Variants in MAGI2 observed in about 807,000 individuals in gnomAD.
The protein encoded by MAGI2 is membrane associated guanylate kinase, WW and PDZ domain containing 2, also known as membrane-associated guanylate kinase, WW and PDZ domain-containing protein 2.
In MAGI2, 35 loss-of-function variants were observed where a neutral mutation model predicts 133.3. The observed-to-expected ratio is 0.26, with a 90% confidence interval of 0.20 to 0.35. The LOEUF (loss-of-function observed/expected upper bound fraction) is 0.35, where lower values mean the gene tolerates loss of function less well. MAGI2 is among the 10% of genes least tolerant of loss of function. MAGI2 has a pLI of 1.00. For missense variants in MAGI2, 1,636 were observed against 1,863.4 expected (o/e 0.88, Z 2.25); for synonymous variants, 729 against 710.6 (o/e 1.03, Z -0.41).
At chr7:79,403,309 G>A (rs1463808412) in intron 1 of MAGI2, among the ~76,000 whole-genome samples, 2 of 152,086 alleles carry the variant, frequency 1.3e-5, no homozygotes, top group East Asian at 3.9e-4. Context: ...GGGAGATTTA[G>A]TGCATGTTTT....
intron 10 of MAGI2, among the ~76,000 whole-genome samples, chr7:78,248,688 A>G (rs1010687302): frequency 1.3e-5 from 2 of 152,128 alleles, no homozygotes; most frequent in Non-Finnish European, 2.9e-5. Context: ...ATTGGAAATA[A>G]AACTAGACTT....
intron 2 of MAGI2, among the ~76,000 whole-genome samples, chr7:78,992,492 C>T (rs973907559): frequency 6.6e-6 from 1 of 151,698 alleles, no homozygotes; most frequent in Non-Finnish European, 1.5e-5. Context: ...CATTAACAAC[C>T]ACATTTTTTA....
chr7:78,548,097 TAGAA>T (rs80159721), intron 3 of MAGI2, among the ~76,000 whole-genome samples: 11,517 of 152,246 alleles, frequency 0.076, 553 homozygotes, highest in Middle Eastern at 0.13. Flanking sequence ...CCTTCAGAGT[TAGAA>T]AGAGCCTTGA....
intron 1 of MAGI2, among the ~76,000 whole-genome samples, chr7:79,133,927 T>TA (rs1821156794): frequency 6.6e-6 from 1 of 152,192 alleles, no homozygotes; most frequent in Non-Finnish European, 1.5e-5. Context: ...CTTTTCAAAA[T>TA]ACGTTGGAAA....
intron 1 of MAGI2, among the ~76,000 whole-genome samples, chr7:79,304,849 T>C (rs962522755): frequency 1.3e-5 from 2 of 152,176 alleles, no homozygotes; most frequent in African/African-American, 4.8e-5. Context: ...CATTAAATAG[T>C]CACACTCCTG....
intron 5 of MAGI2, among the ~76,000 whole-genome samples, chr7:78,491,467 A>G (rs990748775): frequency 1.2e-4 from 19 of 152,240 alleles, no homozygotes; most frequent in African/African-American, 4.1e-4. Context: ...GGTATTCTCC[A>G]TCACATTCTT....
At chr7:78,204,959 C>A (rs899939403) in intron 10 of MAGI2, among the ~76,000 whole-genome samples, 1 of 152,090 alleles carries the variant, frequency 6.6e-6, no homozygotes, top group Non-Finnish European at 1.5e-5. Context: ...AGAAATAAAA[C>A]TAGAATATAT....
intron 2 of MAGI2, among the ~76,000 whole-genome samples, chr7:78,968,427 GTT>G (rs201480375): frequency 0.025 from 3,506 of 142,662 alleles, 125 homozygotes; most frequent in African/African-American, 0.083. Flanking sequence ...TTTGTCATCA[GTT>G]TTTTTTTTTT....
chr7:79,097,487 G>A (rs1266665936), intron 1 of MAGI2, among the ~76,000 whole-genome samples: 1 of 152,194 alleles, frequency 6.6e-6, no homozygotes, highest in Non-Finnish European at 1.5e-5. Flanking sequence ...AATCCACAGA[G>A]TTAGGACAGG....
chr7:78,493,409 A>G (rs993557657), intron 5 of MAGI2, among the ~76,000 whole-genome samples: 3 of 152,136 alleles, frequency 2.0e-5, no homozygotes, highest in Admixed American at 6.6e-5. Flanking sequence ...TCATTTCTCG[A>G]TTGTCTACTG....
intron 2 of MAGI2, among the ~76,000 whole-genome samples, chr7:78,800,710 G>T (rs748228763): frequency 6.6e-6 from 1 of 152,114 alleles, no homozygotes; most frequent in African/African-American, 2.4e-5. Flanking sequence ...ACTTGAAAAT[G>T]ATTCTATTGT....
chr7:78,311,992 A>C (rs1798751899), intron 9 of MAGI2, among the ~76,000 whole-genome samples: 1 of 152,100 alleles, frequency 6.6e-6, no homozygotes, highest in African/African-American at 2.4e-5. Context: ...GTTGGTCTCC[A>C]ATTCCTGACC....
intron 1 of MAGI2, among the ~76,000 whole-genome samples, chr7:79,027,311 T>C (rs1346939782): frequency 6.6e-6 from 1 of 150,810 alleles, no homozygotes; most frequent in Non-Finnish European, 1.5e-5. Context: ...AACAGGTGAA[T>C]GGATAAAGAA....
intron 2 of MAGI2, among the ~76,000 whole-genome samples, chr7:78,962,013 G>T (rs1198807832): frequency 6.6e-6 from 1 of 151,904 alleles, no homozygotes; most frequent in Non-Finnish European, 1.5e-5. Flanking sequence ...AAGTATTTGT[G>T]TATCTAAACA....
Position 79,185,562 on chromosome 7 carries a change from G to A in MAGI2, c.302-178356C>T, listed in dbSNP as rs114988555. 3.4e-3 allele frequency among the ~76,000 whole-genome samples: 491 copies of A among 143,510 alleles called. 7 individuals are homozygous for A. Among genetic ancestry groups the A allele is most frequent in the African/African-American group, 0.013 (475 of 37,516 alleles). The allele number at this position is 143,510 out of a possible 152,430, so 94.1% of individuals were successfully genotyped here. ...TAGTCAATGGCATGTCTATTACATA[G>A]CAGGTATTCAATGGCGTTTGCTAAA... On this transcript the variant is annotated intron_variant, in intron 1 of 21. Transcript: ENST00000354212.
intron 2 of MAGI2, among the ~76,000 whole-genome samples, chr7:78,885,656 T>TGTGTGTGTGTG (rs1554596785): frequency 6.6e-6 from 1 of 152,098 alleles, no homozygotes; most frequent in Non-Finnish European, 1.5e-5. Flanking sequence ...TGTGTGTGTA[T>TGTGTGTGTGTG]TTTATATAAA....
At chr7:78,179,525 C>T (rs764064813) in intron 13 of MAGI2, among the ~76,000 whole-genome samples, 17 of 152,158 alleles carry the variant, frequency 1.1e-4, no homozygotes, top group Non-Finnish European at 1.2e-4. Context: ...TGGGCAAATG[C>T]CGATTATTTA....
At chr7:78,408,095 A>G (rs536566435) in intron 6 of MAGI2, among the ~76,000 whole-genome samples, 3 of 152,108 alleles carry the variant, frequency 2.0e-5, no homozygotes, top group South Asian at 2.1e-4. Context: ...TTATCATCCA[A>G]TTTCATACAC....
At chr7:79,315,107 A>G (rs1367301904) in intron 1 of MAGI2, among the ~76,000 whole-genome samples, 2 of 152,018 alleles carry the variant, frequency 1.3e-5, no homozygotes, top group Non-Finnish European at 2.9e-5. Flanking sequence ...CAACTCTACG[A>G]ATATCATTTT....
Sources: gnomAD v4.1 joint callset for allele counts (sites outside exome capture counted in the v4.1 genomes callset) on GRCh38, gnomAD v4.1.1 for gene constraint, MANE v1.5 for transcripts, NCBI Gene and HGNC (gene_info 2026-07-23, HGNC 2026-07-21) for gene names.